Variants in KCNT1 observed in about 807,000 individuals in gnomAD.
The protein encoded by KCNT1 is potassium channel subfamily T member 1.
In KCNT1, 78 loss-of-function variants were observed where a neutral mutation model predicts 147.8. That is an observed-to-expected ratio of 0.53 (90% CI 0.44 to 0.64). The LOEUF (loss-of-function observed/expected upper bound fraction) is 0.64, where lower values mean the gene tolerates loss of function less well. KCNT1 is among the 30% of genes least tolerant of loss of function. The pLI is 0.00. For missense variants in KCNT1, 1,419 were observed against 1,750.3 expected, an observed-to-expected ratio of 0.81 and a Z score of 3.38; for synonymous variants, 867 against 748.8, an observed-to-expected ratio of 1.16 and a Z score of -2.58.
intron 11 of KCNT1, 76 bp downstream of exon 11, chr9:135,759,935 T>C: frequency 7.2e-7 from 1 of 1,381,874 alleles, no homozygotes; most frequent in East Asian, 2.4e-5. Flanking sequence ...AGGGTGCCAC[T>C]GAGGCTGTGG....
At chr9:135,740,679 G>A in intron 2 of KCNT1, among the ~76,000 whole-genome samples, 1 of 152,264 alleles carries the variant, frequency 6.6e-6, no homozygotes, top group Non-Finnish European at 1.5e-5. Context: ...GACGGCTTCG[G>A]GTGCAGGTTC....
intron 23 of KCNT1, 100 bp from the exon 24 acceptor site, chr9:135,779,259 C>T: frequency 1.5e-6 from 1 of 680,830 alleles, no homozygotes. Context: ...AGCCATGGGA[C>T]CCCGCCCTGA....
chr9:135,778,588 TG>T, intron 22 of KCNT1, 93 bp downstream of exon 22: 1 of 1,599,350 alleles, frequency 6.3e-7, no homozygotes. Context: ...GCAGGTGGGG[TG>T]GGGGGCTGAG....
intron 1 of KCNT1, among the ~76,000 whole-genome samples, chr9:135,708,420 C>T (rs1367368061): frequency 6.6e-6 from 1 of 152,248 alleles, no homozygotes; most frequent in Non-Finnish European, 1.5e-5. Flanking sequence ...TACATGTGCT[C>T]ATCTCCCTCC....
At chr9:135,718,914 C>A (rs1053980321) in intron 2 of KCNT1, among the ~76,000 whole-genome samples, 3 of 152,218 alleles carry the variant, frequency 2.0e-5, no homozygotes, top group African/African-American at 7.2e-5. Context: ...CCGCTCCCAG[C>A]GGGGATGACC....
rs370281720 is a variant in KCNT1 at position 135,788,065 on chromosome 9, C to CTG, written c.3502+1545_3502+1546insGT. On this transcript the variant is annotated intron_variant, in intron 29 of 30. Transcript: ENST00000371757. ...GCTTGCTGATATTCTCTCTCTCTCT[C>CTG]TTTCTGTCTGTGCCTCTTTCTGTGT... 7.6e-4 allele frequency: 1,139 copies of CTG among 1,508,038 alleles called. 9 individuals are homozygous for CTG. The South Asian group carries it at 8.9e-3, about 12-fold the overall frequency. 93.4% of individuals were successfully genotyped at this position (1,508,038 alleles called of 1,614,324 possible).
chr9:135,745,974 T>G (rs1290205238), intron 2 of KCNT1, among the ~76,000 whole-genome samples: 1 of 152,226 alleles, frequency 6.6e-6, no homozygotes, highest in Non-Finnish European at 1.5e-5. Flanking sequence ...CGGGTCGGCC[T>G]AGAGCTGACC....
At chr9:135,776,990 C>T (rs1373009128) in intron 20 of KCNT1, among the ~76,000 whole-genome samples, 1 of 152,260 alleles carries the variant, frequency 6.6e-6, no homozygotes, top group Non-Finnish European at 1.5e-5. Flanking sequence ...ACGTGGCGTG[C>T]TCACTGCTGT....
chr9:135,707,364 G>A (rs1213492435), intron 1 of KCNT1, among the ~76,000 whole-genome samples: 3 of 152,156 alleles, frequency 2.0e-5, no homozygotes, highest in South Asian at 4.2e-4. Flanking sequence ...CTGTCCCCAA[G>A]GGTCCCCTGC....
At chr9:135,721,006 C>T (rs932225570) in intron 2 of KCNT1, among the ~76,000 whole-genome samples, 8 of 152,204 alleles carry the variant, frequency 5.3e-5, no homozygotes, top group African/African-American at 1.4e-4. Flanking sequence ...GACACACGGC[C>T]GAGCCCAAGG....
rs530678159 is a variant in KCNT1 at position 135,777,376 on chromosome 9, C to T, written c.2388C>T (p.Tyr796=). Residue 796 remains tyrosine, a synonymous_variant, in exon 21 of 31, where the codon TAC becomes TAT. Coordinates refer to ENST00000371757, the MANE Select transcript of KCNT1 (RefSeq NM_020822.3). ...KHNSYEDAKA[Y]GFKNKLIIVS... is the part of the protein sequence containing the mutation. ...ACAGCTATGAAGACGCCAAGGCCTA[C>T]GGGTTCAAGAACAAGCTGATCATCG... 40 of 1,613,938 alleles carry T rather than the reference C, an allele frequency of 2.5e-5. No homozygotes were observed. Among genetic ancestry groups the T allele is most frequent in the Non-Finnish European group, 3.4e-5 (40 of 1,179,958 alleles).
intron 1 of KCNT1, among the ~76,000 whole-genome samples, chr9:135,706,559 C>A (rs1433678670): frequency 2.6e-5 from 4 of 152,250 alleles, no homozygotes; most frequent in African/African-American, 9.6e-5. Flanking sequence ...CAGCTGGCCC[C>A]TTGGTGCCCA....
intron 2 of KCNT1, among the ~76,000 whole-genome samples, chr9:135,722,165 C>T (rs1835951351): frequency 6.6e-6 from 1 of 152,138 alleles, no homozygotes; most frequent in Admixed American, 6.5e-5. Flanking sequence ...TGGCTCAGTC[C>T]TCAGCCTGTG....
Position 135,713,699 on chromosome 9 carries a change from C to T in KCNT1, c.111-878C>T, listed in dbSNP as rs1406753968. Among the ~76,000 whole-genome samples the T allele has an allele frequency of 3.3e-5, 5 of 152,196 alleles. No individual in the cohort carries two copies. The East Asian group carries it at 5.8e-4, about 18-fold the overall frequency. On this transcript the variant is annotated intron_variant, in intron 1 of 30. Coordinates refer to ENST00000371757, the MANE Select transcript of KCNT1 (RefSeq NM_020822.3). ...TGGCCTCGAAGCCTTGAACAAGGGC[C>T]GGCCTGGGCCAGGTAAGGAGCTCCC...
chr9:135,762,438 C>A (rs1282366007), intron 11 of KCNT1, among the ~76,000 whole-genome samples: 1 of 151,924 alleles, frequency 6.6e-6, no homozygotes, highest in Non-Finnish European at 1.5e-5. Flanking sequence ...GAGAGTGAGA[C>A]CCTGTTTCAA....
intron 1 of KCNT1, among the ~76,000 whole-genome samples, chr9:135,713,967 C>T (rs1362044263): frequency 6.6e-6 from 1 of 152,174 alleles, no homozygotes; most frequent in Non-Finnish European, 1.5e-5. Flanking sequence ...CCCAGAGGGC[C>T]TGGCAGCCCC....
Position 135,786,469 on chromosome 9 carries a change from C to A in KCNT1, c.3450C>A (p.Ser1150=), listed in dbSNP as rs757210594. ...GGCGCTCTGAGCGCCAGGAGCTCTC[C>A]GAGCTGGTGAAGAACCGCATGAAGC... The part of the protein sequence containing the change: ...LYRRSERQEL[S]ELVKNRMKHL... The change falls in exon 29 of 31, where the codon TCC becomes TCA. Residue 1150 remains serine (S), a synonymous_variant. Coordinates refer to ENST00000371757, the MANE Select transcript of KCNT1 (RefSeq NM_020822.3). The A allele has an allele frequency of 6.2e-7, 1 of 1,603,424 alleles. No homozygotes were observed.
intron 2 of KCNT1, among the ~76,000 whole-genome samples, chr9:135,736,251 C>A (rs1375282769): frequency 1.3e-5 from 2 of 152,278 alleles, no homozygotes; most frequent in East Asian, 3.9e-4. Flanking sequence ...AGGCCTGGTC[C>A]GCAGGCCGGC....
intron 29 of KCNT1, among the ~76,000 whole-genome samples, chr9:135,787,794 G>A (rs1834183051): frequency 6.6e-6 from 1 of 152,216 alleles, no homozygotes; most frequent in Non-Finnish European, 1.5e-5. Flanking sequence ...CCTTTCAGGT[G>A]GGGCTCACGA....
Sources: allele counts gnomAD v4.1 joint callset (sites outside exome capture counted in the v4.1 genomes callset), GRCh38; gene constraint gnomAD v4.1.1; transcripts MANE v1.5; gene names NCBI Gene and HGNC (gene_info 2026-07-23, HGNC 2026-07-21).